Variants in VTI1A observed in about 807,000 individuals in gnomAD.
VTI1A encodes the protein vesicle transport through interaction with t-SNAREs homolog 1A.
In VTI1A, 22 loss-of-function variants were observed where a neutral mutation model predicts 34.9. The observed-to-expected ratio is 0.63, with a 90% CI of 0.45 to 0.90. The LOEUF (loss-of-function observed/expected upper bound fraction) is 0.90. VTI1A is among the 40% of genes least tolerant of loss of function. The pLI, the probability that VTI1A is intolerant of heterozygous loss-of-function variation, is 0.00. For synonymous variants in VTI1A, 87 were observed against 97.3 expected (o/e 0.89, Z 0.62); for missense variants, 268 against 275.6 (o/e 0.97, Z 0.20).
chr10:112,483,917 A>G (rs1848531494), intron 3 of VTI1A, among the ~76,000 whole-genome samples: 1 of 152,212 alleles, frequency 6.6e-6, no homozygotes, highest in South Asian at 2.1e-4. Flanking sequence ...ACACTTTCCC[A>G]AGCTCTCCTA....
At position 112,638,469 on chromosome 10, in the gene VTI1A, T is replaced by C. The variant is rs769281791; in HGVS notation, c.428-29749T>C. ...CTAAACATTTACTTATTTTAACTTA[T>C]AGCAATCCCCTAAATATTTATTTAT... is the stretch of plus-strand genomic sequence containing the variant. On this transcript the variant is annotated intron_variant, in intron 5 of 7. Coordinates refer to ENST00000393077, the MANE Select transcript of VTI1A (RefSeq NM_145206.4). Among the ~76,000 whole-genome samples the C allele has an allele frequency of 9.9e-5, 15 of 152,208 alleles. 1 individual carries two copies. Among genetic ancestry groups the C allele is most frequent in the Non-Finnish European group, 2.1e-4 (14 of 68,022 alleles).
chr10:112,816,641 A>C lies in VTI1A; in HGVS notation c.*1258A>C, dbSNP rs113432571. 1,598 of 227,216 alleles carry C rather than the reference A, an allele frequency of 7.0e-3. 5 individuals carry two copies. The highest frequency in any genetic ancestry group is 0.011 in the Non-Finnish European group (1,234 of 114,284). 14.1% of individuals were successfully genotyped at this position (227,216 alleles called of 1,614,324 possible). ...GCCCAAGCTGAGGTCGTTTCCCCCC[A>C]GTCACAAAGCAGAATGTTTTTCTCA... On this transcript the variant is annotated 3_prime_UTR_variant, in exon 8 of 8. Coordinates refer to ENST00000393077, the MANE Select transcript of VTI1A (RefSeq NM_145206.4).
chr10:112,755,329 G>C (rs1851247863), intron 7 of VTI1A, among the ~76,000 whole-genome samples: 1 of 152,200 alleles, frequency 6.6e-6, no homozygotes, highest in South Asian at 2.1e-4. Flanking sequence ...ATAGCAGAAA[G>C]ATGCCCGCTT....
At chr10:112,545,142 A>G (rs1851030553) in intron 5 of VTI1A, among the ~76,000 whole-genome samples, 1 of 152,252 alleles carries the variant, frequency 6.6e-6, no homozygotes, top group Non-Finnish European at 1.5e-5. Flanking sequence ...AAGATACAGG[A>G]AAAATTATAA....
chr10:112,775,137 T>A (rs1156496290), intron 7 of VTI1A, among the ~76,000 whole-genome samples: 2 of 152,184 alleles, frequency 1.3e-5, no homozygotes, highest in Non-Finnish European at 2.9e-5. Flanking sequence ...ACTGCCGAAT[T>A]TAAAAACTGA....
intron 7 of VTI1A, among the ~76,000 whole-genome samples, chr10:112,786,332 T>G (rs1027827895): frequency 6.6e-6 from 1 of 152,234 alleles, no homozygotes; most frequent in African/African-American, 2.4e-5. Flanking sequence ...CCTAGTAGTA[T>G]TTTGTCGATC....
At chr10:112,647,892 C>A (rs940831735) in intron 5 of VTI1A, among the ~76,000 whole-genome samples, 1 of 152,172 alleles carries the variant, frequency 6.6e-6, no homozygotes, top group African/African-American at 2.4e-5. Context: ...GCCTTAGCCT[C>A]CTAAGTAGCT....
At position 112,520,645 on chromosome 10, in the gene VTI1A, G is replaced by GTATA. The variant is rs1214811424; in HGVS notation, c.265-6441_265-6440insATAT. Reference sequence around the variant, plus strand: ...TATGTGTGTGTGTGTGTGTGTGTGTGTGTATATATATATATATATATATAT... The same window carrying GTATA: ...TATGTGTGTGTGTGTGTGTGTGTGTGTATATGTATATATATATATATATATATAT... On this transcript the variant is annotated intron_variant, in intron 3 of 7. Coordinates refer to ENST00000393077, the MANE Select transcript of VTI1A (RefSeq NM_145206.4). 4.7e-3 allele frequency among the ~76,000 whole-genome samples: 517 copies of GTATA among 111,090 alleles called. 1 individual carries two copies. Among genetic ancestry groups the GTATA allele is most frequent in the African/African-American group, 0.015 (501 of 33,264 alleles). The allele number at this position is 111,090 out of a possible 152,430, so 72.9% of individuals were successfully genotyped here.
chr10:112,830,849 A>ATTTTT, the VTI1A span, among the ~76,000 whole-genome samples: 56 of 33,454 alleles, frequency 1.7e-3, no homozygotes, highest in South Asian at 6.4e-3. Flanking sequence ...ATATATATAT[A>ATTTTT]TTTTTTTTTT....
intron 5 of VTI1A, among the ~76,000 whole-genome samples, chr10:112,591,734 A>T (rs1265788749): frequency 6.6e-6 from 1 of 152,144 alleles, no homozygotes. Flanking sequence ...AGATTACCTG[A>T]CTTGGTGGGC....
At position 112,518,583 on chromosome 10, in the gene VTI1A, C is replaced by CTATATA. The variant is rs1382921929; in HGVS notation, c.265-8503_265-8502insATATAT. On this transcript the variant is annotated intron_variant, in intron 3 of 7. Coordinates refer to ENST00000393077, the MANE Select transcript of VTI1A (RefSeq NM_145206.4). ...TCTCTCTCTCTCTCTCTCTCTCTCTCTCTCTCTATATATATATATATATAT... is the reference window on the plus strand; with the variant it reads ...TCTCTCTCTCTCTCTCTCTCTCTCTCTATATATCTCTCTATATATATATATATATAT... Among the ~76,000 whole-genome samples, 14 of 83,210 alleles carry CTATATA rather than the reference C, an allele frequency of 1.7e-4. No individual in the cohort carries two copies. In the East Asian group the frequency reaches 4.1e-3, roughly 24 times the overall value. The allele number at this position is 83,210 out of a possible 152,430, so 54.6% of individuals were successfully genotyped here.
At position 112,609,817 on chromosome 10, in the gene VTI1A, G is replaced by A. The variant is rs12098458; in HGVS notation, c.428-58401G>A. Reference sequence around the variant, plus strand: ...ATTCAGTGGTGCCTCATGGAGCAGCGGTCCCAAATCCATGTGGAAAGGGGT... The same window carrying A: ...ATTCAGTGGTGCCTCATGGAGCAGCAGTCCCAAATCCATGTGGAAAGGGGT... On this transcript the variant is annotated intron_variant, in intron 5 of 7. Transcript: ENST00000393077. Among the ~76,000 whole-genome samples the A allele has an allele frequency of 3.5e-3, 531 of 152,156 alleles. 3 individuals carry two copies. The highest frequency in any genetic ancestry group is 0.012 in the African/African-American group (509 of 41,502).
chr10:112,624,489 A>C (rs6585165), intron 5 of VTI1A, among the ~76,000 whole-genome samples: 120,152 of 151,892 alleles, frequency 0.79, 48,488 homozygotes, highest in African/African-American at 0.93. Context: ...AGGATAAATG[A>C]TTATAAGACT....
the VTI1A span, among the ~76,000 whole-genome samples, chr10:112,837,344 G>A: frequency 2.0e-5 from 3 of 152,142 alleles, no homozygotes; most frequent in East Asian, 3.9e-4. Flanking sequence ...AATCCTGGGA[G>A]GGGGAGGGGA....
chr10:112,811,644 A>C (rs1321873820), intron 7 of VTI1A, among the ~76,000 whole-genome samples: 1 of 132,716 alleles, frequency 7.5e-6, no homozygotes, highest in South Asian at 2.6e-4. Context: ...AGATTGCGCC[A>C]CTGCACTCCA....
chr10:112,802,579 C>T (rs964216489), intron 7 of VTI1A, among the ~76,000 whole-genome samples: 1 of 152,160 alleles, frequency 6.6e-6, no homozygotes, highest in Non-Finnish European at 1.5e-5. Flanking sequence ...TGCAGGCATC[C>T]CTGCTGCCAT....
At chr10:112,479,082 G>A (rs1243591132) in intron 3 of VTI1A, among the ~76,000 whole-genome samples, 1 of 152,134 alleles carries the variant, frequency 6.6e-6, no homozygotes, top group African/African-American at 2.4e-5. Flanking sequence ...CAGGAGAATC[G>A]CTTGAACCTG....
chr10:112,513,829 A>T (rs749337948), intron 3 of VTI1A, among the ~76,000 whole-genome samples: 1 of 151,982 alleles, frequency 6.6e-6, no homozygotes, highest in Non-Finnish European at 1.5e-5. Context: ...AATATGTTGT[A>T]TCACATTTAT....
chr10:112,755,770 T>C (rs1197360702), intron 7 of VTI1A, among the ~76,000 whole-genome samples: 1 of 152,178 alleles, frequency 6.6e-6, no homozygotes, highest in African/African-American at 2.4e-5. Flanking sequence ...ATATAAAAAA[T>C]GTTAATTTCG....
Sources: gnomAD v4.1 joint callset for allele counts (sites outside exome capture counted in the v4.1 genomes callset) on GRCh38, gnomAD v4.1.1 for gene constraint, MANE v1.5 for transcripts, NCBI Gene and HGNC (gene_info 2026-07-23, HGNC 2026-07-21) for gene names.